The following NLGN4X variants were observed in gnomAD, a reference collection of about 807,000 sequenced individuals.
NLGN4X encodes neuroligin 4 X-linked.
A neutral mutation model predicts 40.3 loss-of-function variants in NLGN4X; 3 were observed. The observed-to-expected ratio is 0.07, with a 90% CI of 0.03 to 0.19. The LOEUF is 0.19. Ranked by LOEUF, NLGN4X falls within the 10% of genes least tolerant of loss-of-function variation. The probability of loss-of-function intolerance (pLI) is 1.00; values close to 1 mark genes in which losing one functional copy is unlikely to be tolerated. For missense variants in NLGN4X, 382 were observed against 708.3 expected (o/e 0.54, Z 5.23); for synonymous variants, 270 against 306.8 (o/e 0.88, Z 1.25).
At chrX:6,040,511 A>G (rs2037128861) in intron 2 of NLGN4X, among the ~76,000 whole-genome samples, 1 of 112,157 alleles carries the variant, frequency 8.9e-6, no homozygotes, top group African/African-American at 3.2e-5. Flanking sequence ...AGAAACATAA[A>G]GACATTTTAT....
intron 3 of NLGN4X, among the ~76,000 whole-genome samples, chrX:5,990,898 T>C (rs1490655001): frequency 8.9e-6 from 1 of 112,243 alleles, no homozygotes; most frequent in Non-Finnish European, 1.9e-5. Flanking sequence ...AGAGTGTATC[T>C]AGGGCTAAAT....
intron 1 of NLGN4X, among the ~76,000 whole-genome samples, chrX:6,175,897 T>C (rs1424079488): frequency 9.0e-6 from 1 of 110,926 alleles, no homozygotes; most frequent in Non-Finnish European, 1.9e-5. Flanking sequence ...GGAGGGTAGA[T>C]CTTCATTCCA....
rs995583516 is a variant in NLGN4X at position 5,893,249 on chromosome X, G to A, written c.2019C>T (p.Thr673=). ...VLIETKRDYS[T]ELSVTIAVGA... is the part of the protein sequence containing the mutation. ...CGACGGCAATGGTGACACTTAATTC[G>A]GTGGAATAATCTCGTTTGGTTTCAA... The change falls in exon 6 of 6, where the codon ACC becomes ACT. Residue 673 remains threonine (T), a synonymous_variant. Transcript: ENST00000381095. 13 of 1,208,885 alleles carry A rather than the reference G, an allele frequency of 1.1e-5. No homozygotes were observed. Among genetic ancestry groups the A allele is most frequent in the African/African-American group, 5.3e-5 (3 of 56,598 alleles).
intron 4 of NLGN4X, among the ~76,000 whole-genome samples, chrX:5,904,904 G>A (rs1048175524): frequency 2.7e-5 from 3 of 111,349 alleles, no homozygotes; most frequent in Non-Finnish European, 3.8e-5. Flanking sequence ...TCAGGAAGAC[G>A]TGATTTTAAA....
At chrX:6,190,817 T>A (rs1032047317) in intron 1 of NLGN4X, among the ~76,000 whole-genome samples, 2 of 111,296 alleles carry the variant, frequency 1.8e-5, no homozygotes, top group Non-Finnish European at 3.8e-5. Flanking sequence ...AAGATGGACT[T>A]TTTGAGTCCT....
chrX:6,009,386 T>C (rs919320308), intron 3 of NLGN4X, among the ~76,000 whole-genome samples: 8 of 112,056 alleles, frequency 7.1e-5, no homozygotes, highest in African/African-American at 1.3e-4. Flanking sequence ...CCACCAGCAA[T>C]GTGAAAGAGT....
intron 3 of NLGN4X, among the ~76,000 whole-genome samples, chrX:5,965,472 C>T (rs939515039): frequency 8.9e-6 from 1 of 112,136 alleles, no homozygotes; most frequent in African/African-American, 3.2e-5. Flanking sequence ...AGAATGTGCA[C>T]GCTTCAGTTA....
chrX:6,036,138 T>G (rs1036338084), intron 2 of NLGN4X, among the ~76,000 whole-genome samples: 10 of 111,979 alleles, frequency 8.9e-5, no homozygotes, highest in Admixed American at 8.5e-4. Context: ...CTATCTTGAT[T>G]ACTATATCTT....
chrX:5,933,339 C>T (rs1225453629), intron 3 of NLGN4X, among the ~76,000 whole-genome samples: 1 of 110,835 alleles, frequency 9.0e-6, no homozygotes, highest in Non-Finnish European at 1.9e-5. Flanking sequence ...GATAATAGCC[C>T]AGAACTTAAA....
At chrX:6,032,493 T>C (rs2036892697) in intron 2 of NLGN4X, among the ~76,000 whole-genome samples, 1 of 109,487 alleles carries the variant, frequency 9.1e-6, no homozygotes, top group African/African-American at 3.3e-5. Flanking sequence ...CTCACAGTGA[T>C]TTGTTTCCTG....
At chrX:6,082,948 G>GTTTTTTTTTTTTTTTTTTTTTTTTTTT (rs930625574) in intron 2 of NLGN4X, among the ~76,000 whole-genome samples, 2 of 70,358 alleles carry the variant, frequency 2.8e-5, no homozygotes, top group African/African-American at 9.7e-5. Context: ...GCCATGATGC[G>GTTTTTTTTTTTTTTTTTTTTTTTTTTT]TTTTTTTCTT....
At chrX:6,003,017 CT>C (rs2036009711) in intron 3 of NLGN4X, among the ~76,000 whole-genome samples, 1 of 111,554 alleles carries the variant, frequency 9.0e-6, no homozygotes, top group Admixed American at 9.5e-5. Flanking sequence ...AAAAAATCCC[CT>C]GCATTTACCA....
At chrX:6,063,308 C>T (rs1021078552) in intron 2 of NLGN4X, among the ~76,000 whole-genome samples, 1 of 111,667 alleles carries the variant, frequency 9.0e-6, no homozygotes, top group Non-Finnish European at 1.9e-5. Context: ...GACCCAATCT[C>T]TACAAAAAGA....
chrX:5,901,866 G>GTA (rs1222683606), intron 5 of NLGN4X, among the ~76,000 whole-genome samples: 2 of 105,311 alleles, frequency 1.9e-5, no homozygotes, highest in East Asian at 2.9e-4. Flanking sequence ...ATATTTGTGT[G>GTA]TATATATATA....
At chrX:5,900,361 G>A (rs2031772344) in intron 5 of NLGN4X, among the ~76,000 whole-genome samples, 1 of 110,219 alleles carries the variant, frequency 9.1e-6, no homozygotes, top group Non-Finnish European at 1.9e-5. Flanking sequence ...CAAAGACACA[G>A]AGTGGGATGG....
At chrX:6,043,124 T>C (rs1234486117) in intron 2 of NLGN4X, among the ~76,000 whole-genome samples, 2 of 73,873 alleles carry the variant, frequency 2.7e-5, no homozygotes. Context: ...ATAACTTCTA[T>C]GCACGCGCAT....
In NLGN4X at chrX:5,890,325, T is replaced by C. The variant is rs2031093946; in HGVS notation, c.*2492A>G. On this transcript the variant is annotated 3_prime_UTR_variant, in exon 6 of 6. Transcript: ENST00000381095. ...CTCATAGAACTCTATGAAGATTCTA[T>C]AACTTCTTTCCATGTAGAAATAAGA... The C allele has an allele frequency of 1.0e-5, 2 of 191,490 alleles. No individual in the cohort carries two copies. The highest frequency in any genetic ancestry group is 1.5e-4 in the Admixed American group (2 of 13,633). The allele number at this position is 191,490 out of a possible 1,213,427, so 15.8% of individuals were successfully genotyped here.
intron 1 of NLGN4X, among the ~76,000 whole-genome samples, chrX:6,208,455 G>T (rs1294669269): frequency 8.9e-6 from 1 of 112,046 alleles, no homozygotes; most frequent in East Asian, 2.8e-4. Context: ...ACAATTGATA[G>T]AATTCATAAA....
intron 1 of NLGN4X, among the ~76,000 whole-genome samples, chrX:6,200,625 TC>T (rs759205949): frequency 3.2e-4 from 35 of 109,390 alleles, no homozygotes; most frequent in Non-Finnish European, 6.5e-4. Context: ...AAGGCCGCCT[TC>T]AACACTTTCT....
Sources: allele counts gnomAD v4.1 joint callset (sites outside exome capture counted in the v4.1 genomes callset), GRCh38; gene constraint gnomAD v4.1.1; transcripts MANE v1.5; gene names NCBI Gene and HGNC (gene_info 2026-07-23, HGNC 2026-07-21).